LINC00305: variants seen among roughly 807,000 people sequenced by gnomAD.
LINC00305 encodes long independently transcribed non-coding RNA 305.
At chr18:64,128,672 G>T (rs1448713178) in intron 1 of LINC00305, among the ~76,000 whole-genome samples, 1 of 152,012 alleles carries the variant, frequency 6.6e-6, no homozygotes, top group Non-Finnish European at 1.5e-5. Flanking sequence ...ATACACTGCT[G>T]CGTGTATGGG....
chr18:64,094,887 T>TAAATAAATAAATAAATGAATAAA (rs780361977), intron 3 of LINC00305, among the ~76,000 whole-genome samples: 1 of 114,640 alleles, frequency 8.7e-6, no homozygotes. Flanking sequence ...AAATAAATAA[T>TAAATAAATAAATAAATGAATAAA]AAAATAAAAT....
At chr18:64,097,529 CT>C (rs1395773817) in intron 3 of LINC00305, among the ~76,000 whole-genome samples, 3 of 151,784 alleles carry the variant, frequency 2.0e-5, no homozygotes, top group Non-Finnish European at 4.4e-5. Flanking sequence ...CACAAGGTGT[CT>C]TTTATATAAT....
chr18:64,123,995 C>T (rs903605381), intron 1 of LINC00305, among the ~76,000 whole-genome samples: 51 of 152,056 alleles, frequency 3.4e-4, no homozygotes, highest in Admixed American at 2.4e-3. Context: ...AGGTGAGGCC[C>T]TTACCAGATG....
intron 1 of LINC00305, among the ~76,000 whole-genome samples, chr18:64,117,960 T>C (rs545236237): frequency 6.6e-6 from 1 of 152,322 alleles, no homozygotes; most frequent in East Asian, 1.9e-4. Context: ...CCCTAAGCCT[T>C]CATTTAACTT....
chr18:64,105,057 T>C (rs188073557), intron 1 of LINC00305, among the ~76,000 whole-genome samples: 1 of 152,168 alleles, frequency 6.6e-6, no homozygotes, highest in Non-Finnish European at 1.5e-5. Context: ...ACAAACCGTT[T>C]GGGTGCTCTA....
Position 64,113,791 on chromosome 18 carries a change from CAG to C in LINC00305, n.315-15153_315-15152del, listed in dbSNP as rs1412677436. Among the ~76,000 whole-genome samples the C allele has an allele frequency of 6.6e-5, 10 of 152,264 alleles. No individual in the cohort carries two copies. In the South Asian group the frequency reaches 1.9e-3, roughly 28 times the overall value. On this transcript the variant is annotated intron_variant and non_coding_transcript_variant, in intron 1 of 3. Transcript: ENST00000666468. ...TGATCTTTGCTGCTGGGTGACCACCCAGTCATGGATACGGAGAGGCTGCTCTT... is the reference window on the plus strand; with the variant it reads ...TGATCTTTGCTGCTGGGTGACCACCCTCATGGATACGGAGAGGCTGCTCTT...
chr18:64,094,887 T>TAAATAAATAAA (rs780361977), intron 3 of LINC00305, among the ~76,000 whole-genome samples: 36 of 114,670 alleles, frequency 3.1e-4, no homozygotes, highest in Middle Eastern at 3.7e-3. Flanking sequence ...AAATAAATAA[T>TAAATAAATAAA]AAAATAAAAT....
chr18:64,146,368 G>A (rs978356266), intron 1 of LINC00305, among the ~76,000 whole-genome samples: 17 of 152,140 alleles, frequency 1.1e-4, no homozygotes, highest in African/African-American at 4.1e-4. Flanking sequence ...TTATGTAGTT[G>A]GACTTTGTAT....
intron 1 of LINC00305, among the ~76,000 whole-genome samples, chr18:64,107,291 G>T (rs189873811): frequency 6.6e-6 from 1 of 152,328 alleles, no homozygotes; most frequent in African/African-American, 2.4e-5. Flanking sequence ...GCTTGGTAGA[G>T]GCCATGTGCT....
At chr18:64,112,313 C>T (rs1018002071) in intron 1 of LINC00305, among the ~76,000 whole-genome samples, 2 of 143,080 alleles carry the variant, frequency 1.4e-5, no homozygotes, top group Non-Finnish European at 3.0e-5. Flanking sequence ...ATTTTTCAAA[C>T]GTTTCCATTT....
chr18:64,093,035 A>T (rs1419122955), intron 3 of LINC00305, among the ~76,000 whole-genome samples: 1 of 152,214 alleles, frequency 6.6e-6, no homozygotes, highest in Non-Finnish European at 1.5e-5. Flanking sequence ...GGACAGCCCG[A>T]GGCACCAATG....
chr18:64,080,499 A>C, intron 3 of LINC00305: 1 of 229,364 alleles, frequency 4.4e-6, no homozygotes, highest in Non-Finnish European at 9.1e-6. Context: ...TTTAGAATTT[A>C]AATTTTAGAA....
At chr18:64,110,870 T>G (rs1284563684) in intron 1 of LINC00305, among the ~76,000 whole-genome samples, 1 of 152,216 alleles carries the variant, frequency 6.6e-6, no homozygotes, top group Non-Finnish European at 1.5e-5. Flanking sequence ...GCAAAACACT[T>G]TGCTGTGGAT....
intron 3 of LINC00305, among the ~76,000 whole-genome samples, chr18:64,087,079 A>G (rs1314266315): frequency 6.6e-6 from 1 of 152,220 alleles, no homozygotes; most frequent in African/African-American, 2.4e-5. Flanking sequence ...GTGAAAGCAA[A>G]TTACAGTTTC....
chr18:64,122,904 A>G (rs1281514510), intron 1 of LINC00305, among the ~76,000 whole-genome samples: 2 of 151,934 alleles, frequency 1.3e-5, no homozygotes, highest in African/African-American at 2.4e-5. Context: ...GAAATATTTT[A>G]CCTTCTTAGT....
intron 1 of LINC00305, among the ~76,000 whole-genome samples, chr18:64,133,004 C>T (rs542845947): frequency 1.3e-5 from 2 of 152,170 alleles, no homozygotes; most frequent in Non-Finnish European, 2.9e-5. Flanking sequence ...TCCAGGGGAA[C>T]AGCTGGGACT....
At chr18:64,097,438 A>G (rs1355325637) in intron 3 of LINC00305, among the ~76,000 whole-genome samples, 1 of 152,164 alleles carries the variant, frequency 6.6e-6, no homozygotes, top group East Asian at 1.9e-4. Context: ...TTATTGTCTT[A>G]GAAATACAAC....
chr18:64,104,685 G>A (rs1019439171), intron 1 of LINC00305, among the ~76,000 whole-genome samples: 36 of 152,188 alleles, frequency 2.4e-4, no homozygotes, highest in African/African-American at 6.5e-4. Context: ...ATCCTCCTGG[G>A]GAAATTAGGA....
chr18:64,121,230 T>C (rs1335011064), intron 1 of LINC00305, among the ~76,000 whole-genome samples: 4 of 152,090 alleles, frequency 2.6e-5, no homozygotes, highest in Admixed American at 6.6e-5. Context: ...ATGGGACATA[T>C]GTGTAATTTT....
Sources: gnomAD v4.1 joint callset for allele counts (sites outside exome capture counted in the v4.1 genomes callset) on GRCh38, gnomAD v4.1.1 for gene constraint, MANE v1.5 for transcripts, NCBI Gene and HGNC (gene_info 2026-07-23, HGNC 2026-07-21) for gene names.